RGS6: variants seen among roughly 807,000 people sequenced by gnomAD.
The protein encoded by RGS6 is regulator of G protein signaling 6.
RGS6 carries 30 observed loss-of-function variants against 78.5 expected under a neutral mutation model. The observed-to-expected ratio is 0.38, with a 90% CI of 0.29 to 0.52. RGS6 has a LOEUF of 0.52. Among genes scored for constraint, RGS6 ranks in the 20% least tolerant of loss-of-function variants. The pLI is 0.85. For missense variants in RGS6, 495 were observed against 609.7 expected, an observed-to-expected ratio of 0.81 and a Z score of 1.98; for synonymous variants, 206 against 206.0, an observed-to-expected ratio of 1.00 and a Z score of 0.00.
intron 1 of RGS6, among the ~76,000 whole-genome samples, chr14:71,958,332 C>T (rs1320528297): frequency 2.0e-5 from 3 of 152,182 alleles, no homozygotes; most frequent in Non-Finnish European, 4.4e-5. Flanking sequence ...AACTGTGTTA[C>T]TTTGGGCAAG....
At chr14:72,029,411 T>A (rs1215201998) in intron 2 of RGS6, among the ~76,000 whole-genome samples, 1 of 152,222 alleles carries the variant, frequency 6.6e-6, no homozygotes, top group African/African-American at 2.4e-5. Flanking sequence ...CTGTTGGATT[T>A]CTTGATTATG....
intron 2 of RGS6, among the ~76,000 whole-genome samples, chr14:72,104,435 A>G (rs761985465): frequency 6.6e-6 from 1 of 152,252 alleles, no homozygotes; most frequent in Non-Finnish European, 1.5e-5. Flanking sequence ...TAAACTAATT[A>G]TGCTTGCTCA....
chr14:72,107,133 C>T (rs1194093489), intron 2 of RGS6, among the ~76,000 whole-genome samples: 1 of 152,006 alleles, frequency 6.6e-6, no homozygotes, highest in East Asian at 1.9e-4. Context: ...TGGTAGATTT[C>T]ACACTTGAAA....
chr14:72,037,448 T>A (rs1365312176), intron 2 of RGS6, among the ~76,000 whole-genome samples: 1 of 152,142 alleles, frequency 6.6e-6, no homozygotes, highest in African/African-American at 2.4e-5. Context: ...TCTGGATACA[T>A]CTGAAGGAAC....
At chr14:72,278,322 G>A (rs1461824922) in intron 2 of RGS6, among the ~76,000 whole-genome samples, 2 of 152,168 alleles carry the variant, frequency 1.3e-5, no homozygotes, top group African/African-American at 2.4e-5. Flanking sequence ...TGATTTACAG[G>A]CTCATGGTGA....
chr14:71,981,600 G>T (rs1315307313), intron 2 of RGS6, among the ~76,000 whole-genome samples: 3 of 151,800 alleles, frequency 2.0e-5, no homozygotes, highest in Admixed American at 6.6e-5. Context: ...GGCTGCTCGG[G>T]GGTCAGGGGT....
chr14:72,476,854 C>T lies in RGS6; in HGVS notation c.792+14C>T. ...ATCCGGAAACAGGTGAATGAATTGACAGCTTGCACTCTCAGGAGGAGACGT... is the reference window on the plus strand; with the variant it reads ...ATCCGGAAACAGGTGAATGAATTGATAGCTTGCACTCTCAGGAGGAGACGT... On this transcript the variant is annotated intron_variant, in intron 11 of 17. Transcript: ENST00000553525. The T allele has an allele frequency of 6.2e-7, 1 of 1,605,278 alleles. No homozygotes were observed. The highest frequency in any genetic ancestry group is 8.5e-7 in the Non-Finnish European group (1 of 1,171,912).
chr14:71,959,982 C>T (rs1455267282), intron 1 of RGS6, among the ~76,000 whole-genome samples: 2 of 152,180 alleles, frequency 1.3e-5, no homozygotes, highest in Non-Finnish European at 2.9e-5. Context: ...AGTCTGACTT[C>T]AAAGCCCTTC....
At chr14:72,561,821 C>T (rs1352920222) in intron 17 of RGS6, among the ~76,000 whole-genome samples, 1 of 152,228 alleles carries the variant, frequency 6.6e-6, no homozygotes, top group Non-Finnish European at 1.5e-5. Flanking sequence ...GTGCACTGCC[C>T]TGGGGCCTAC....
At chr14:71,950,588 G>A (rs537548535) in intron 1 of RGS6, among the ~76,000 whole-genome samples, 36 of 152,058 alleles carry the variant, frequency 2.4e-4, no homozygotes, top group Middle Eastern at 3.4e-3. Flanking sequence ...TAATTAAGGA[G>A]CTTCTGCATA....
chr14:71,945,024 C>T (rs2091296331), intron 1 of RGS6, among the ~76,000 whole-genome samples: 1 of 152,076 alleles, frequency 6.6e-6, no homozygotes, highest in Non-Finnish European at 1.5e-5. Flanking sequence ...CTCATGGGAC[C>T]CCCTTCATGT....
At chr14:72,561,901 G>A (rs2097681123) in intron 17 of RGS6, among the ~76,000 whole-genome samples, 1 of 152,124 alleles carries the variant, frequency 6.6e-6, no homozygotes, top group South Asian at 2.1e-4. Context: ...GAGGACTCAA[G>A]GTCTTTGTGT....
chr14:71,981,942 C>T lies in RGS6; in HGVS notation c.84+17067C>T, dbSNP rs1187346768. 7.9e-5 allele frequency among the ~76,000 whole-genome samples: 12 copies of T among 151,508 alleles called. No individual in the cohort carries two copies. The East Asian group carries it at 1.6e-3, about 20-fold the overall frequency. On this transcript the variant is annotated intron_variant, in intron 2 of 17. Transcript: ENST00000553525. Reference sequence around the variant, plus strand: ...GCTGTGCTAGCCATCAGCGAGACTCCGTGGGCGTAGGACCCTCCGAGCCAG... The same window carrying T: ...GCTGTGCTAGCCATCAGCGAGACTCTGTGGGCGTAGGACCCTCCGAGCCAG...
chr14:72,152,902 A>T (rs953212302), intron 2 of RGS6, among the ~76,000 whole-genome samples: 1 of 152,160 alleles, frequency 6.6e-6, no homozygotes, highest in Non-Finnish European at 1.5e-5. Context: ...TAAAAAGGAA[A>T]AAAAGGGAAA....
chr14:72,325,926 C>T (rs899989298), intron 2 of RGS6, among the ~76,000 whole-genome samples: 4 of 151,958 alleles, frequency 2.6e-5, no homozygotes, highest in Admixed American at 1.3e-4. Context: ...AATAAGGTAC[C>T]CTCATACATC....
intron 2 of RGS6, among the ~76,000 whole-genome samples, chr14:71,979,729 T>C (rs1242007737): frequency 6.6e-6 from 1 of 152,218 alleles, no homozygotes; most frequent in Non-Finnish European, 1.5e-5. Context: ...GAAAAAAATG[T>C]ATATTCTGTT....
rs149137690 is a variant in RGS6 at position 71,999,645 on chromosome 14, C to G, written c.84+34770C>G. 4.5e-3 allele frequency among the ~76,000 whole-genome samples: 687 copies of G among 152,188 alleles called. 3 individuals carry two copies. Among genetic ancestry groups the G allele is most frequent in the Non-Finnish European group, 7.6e-3 (518 of 67,994 alleles). ...CCTTCATGAATGGTTTAGCACCGTCCCCTTGGTGCTATCCCCGCAATAGAG... is the reference window on the plus strand; with the variant it reads ...CCTTCATGAATGGTTTAGCACCGTCGCCTTGGTGCTATCCCCGCAATAGAG... On this transcript the variant is annotated intron_variant, in intron 2 of 17. Transcript: ENST00000553525.
At chr14:71,936,067 ATGC>A (rs1415089918) in intron 1 of RGS6, among the ~76,000 whole-genome samples, 1 of 115,758 alleles carries the variant, frequency 8.6e-6, no homozygotes, top group East Asian at 2.7e-4. Context: ...ATATACATAT[ATGC>A]TATATATATG....
At chr14:72,003,213 AC>A (rs1224008109) in intron 2 of RGS6, among the ~76,000 whole-genome samples, 1 of 152,132 alleles carries the variant, frequency 6.6e-6, no homozygotes, top group Non-Finnish European at 1.5e-5. Context: ...CCAGGTACTC[AC>A]ACTGCAGTGA....
Sources: allele counts gnomAD v4.1 joint callset (sites outside exome capture counted in the v4.1 genomes callset), GRCh38; gene constraint gnomAD v4.1.1; transcripts MANE v1.5; gene names NCBI Gene and HGNC (gene_info 2026-07-23, HGNC 2026-07-21).